The following PLPPR5 variants were observed in gnomAD, a reference collection of about 807,000 sequenced individuals.
PLPPR5 encodes phospholipid phosphatase-related protein type 5.
A neutral mutation model predicts 33.9 loss-of-function variants in PLPPR5; 16 were observed. The ratio of observed to expected loss-of-function variants is 0.47; its 90% CI spans 0.32 to 0.72. PLPPR5 has a LOEUF of 0.72. Ranked by LOEUF, PLPPR5 falls within the 30% of genes least tolerant of loss-of-function variation. The probability of loss-of-function intolerance (pLI) is 0.03; values close to 1 mark genes in which losing one functional copy is unlikely to be tolerated. For synonymous variants in PLPPR5, 163 were observed against 150.3 expected, an observed-to-expected ratio of 1.08 and a Z score of -0.62; for missense variants, 301 against 406.7, an observed-to-expected ratio of 0.74 and a Z score of 2.23.
At position 98,890,805 on chromosome 1, in the gene PLPPR5, A is replaced by G. The variant is rs1648244756; in HGVS notation, c.*2267T>C. On this transcript the variant is annotated 3_prime_UTR_variant, in exon 6 of 6. Transcript: ENST00000263177. ...CAGCATCACTCACTGTACAATCTTGAGCCTATGATGTGTAAATAGTAGAGG... is the reference window on the plus strand; with the variant it reads ...CAGCATCACTCACTGTACAATCTTGGGCCTATGATGTGTAAATAGTAGAGG... 6.6e-6 allele frequency: 1 copy of G among 152,516 alleles called. No individual in the cohort carries two copies. Among genetic ancestry groups the G allele is most frequent in the Admixed American group, 6.6e-5 (1 of 15,246 alleles). The allele number at this position is 152,516 out of a possible 1,614,324, so 9.4% of individuals were successfully genotyped here.
chr1:98,961,019 C>T (rs914770731), intron 1 of PLPPR5, among the ~76,000 whole-genome samples: 4 of 152,134 alleles, frequency 2.6e-5, no homozygotes, highest in South Asian at 4.1e-4. Flanking sequence ...GCCATGTTTC[C>T]TATACAATCC....
At chr1:98,895,434 T>G in intron 5 of PLPPR5, among the ~76,000 whole-genome samples, 1 of 151,976 alleles carries the variant, frequency 6.6e-6, no homozygotes, top group East Asian at 1.9e-4. Flanking sequence ...CAAAACAGAC[T>G]AAGAAACCTT....
chr1:98,974,388 CT>C (rs1398668670), intron 1 of PLPPR5, among the ~76,000 whole-genome samples: 1 of 152,024 alleles, frequency 6.6e-6, no homozygotes, highest in African/African-American at 2.4e-5. Flanking sequence ...TTTCAGAAAA[CT>C]TTGTTAGTTA....
intron 1 of PLPPR5, among the ~76,000 whole-genome samples, chr1:98,979,545 T>C (rs1651983507): frequency 6.6e-6 from 1 of 152,108 alleles, no homozygotes; most frequent in Non-Finnish European, 1.5e-5. Context: ...TATTAGCAAA[T>C]GTAAGGTCAG....
chr1:98,909,225 C>A, intron 5 of PLPPR5, among the ~76,000 whole-genome samples: 1 of 125,326 alleles, frequency 8.0e-6, no homozygotes, highest in Non-Finnish European at 1.7e-5. Context: ...CCTCCCCTCC[C>A]TTCCCTTCCC....
chr1:99,003,340 T>G (rs950319121), intron 1 of PLPPR5, among the ~76,000 whole-genome samples: 4 of 151,742 alleles, frequency 2.6e-5, no homozygotes, highest in African/African-American at 9.7e-5. Flanking sequence ...CAACAGACAT[T>G]CTTAACATTC....
At chr1:98,972,383 T>C (rs555161786) in intron 1 of PLPPR5, among the ~76,000 whole-genome samples, 1 of 152,214 alleles carries the variant, frequency 6.6e-6, no homozygotes, top group African/African-American at 2.4e-5. Context: ...CCAGCAGTTT[T>C]AGATGGCTAT....
chr1:98,963,762 C>A (rs558875617), intron 1 of PLPPR5, among the ~76,000 whole-genome samples: 1 of 152,140 alleles, frequency 6.6e-6, no homozygotes, highest in African/African-American at 2.4e-5. Context: ...AGATAGGGCA[C>A]AAAGCACCTC....
At chr1:98,941,544 G>A (rs1650368659) in intron 3 of PLPPR5, among the ~76,000 whole-genome samples, 1 of 86,088 alleles carries the variant, frequency 1.2e-5, no homozygotes, top group Non-Finnish European at 2.3e-5. Flanking sequence ...ATTTATTTGT[G>A]TGGTTGTGGG....
chr1:98,955,020 T>C (rs1650949658), intron 2 of PLPPR5, among the ~76,000 whole-genome samples: 1 of 152,106 alleles, frequency 6.6e-6, no homozygotes, highest in South Asian at 2.1e-4. Flanking sequence ...TGTAGTTGAC[T>C]ACAAAGAAAA....
chr1:98,950,974 T>C (rs988339707), intron 3 of PLPPR5, among the ~76,000 whole-genome samples: 3 of 152,122 alleles, frequency 2.0e-5, no homozygotes, highest in Non-Finnish European at 2.9e-5. Flanking sequence ...AAGGTTCTAG[T>C]ATTACAGGCA....
At chr1:98,999,392 G>C (rs1652745870) in intron 1 of PLPPR5, among the ~76,000 whole-genome samples, 1 of 152,178 alleles carries the variant, frequency 6.6e-6, no homozygotes, top group Non-Finnish European at 1.5e-5. Flanking sequence ...AATTCTCACA[G>C]CTGGAAAGTA....
intron 5 of PLPPR5, among the ~76,000 whole-genome samples, chr1:98,914,157 C>T (rs1412284988): frequency 6.6e-6 from 1 of 152,190 alleles, no homozygotes; most frequent in Non-Finnish European, 1.5e-5. Context: ...CATATATCCT[C>T]AAGTAAAACT....
chr1:98,900,268 C>T (rs1648648461), intron 5 of PLPPR5, among the ~76,000 whole-genome samples: 1 of 152,088 alleles, frequency 6.6e-6, no homozygotes, highest in Non-Finnish European at 1.5e-5. Context: ...ATCTTGCCTG[C>T]TAAACAAAAC....
intron 1 of PLPPR5, among the ~76,000 whole-genome samples, chr1:98,997,269 A>G (rs1299942780): frequency 6.6e-6 from 1 of 152,152 alleles, no homozygotes; most frequent in Non-Finnish European, 1.5e-5. Flanking sequence ...TGGATATGTA[A>G]TTTTAAGTAT....
At chr1:98,960,415 G>GA (rs1651195317) in intron 1 of PLPPR5, among the ~76,000 whole-genome samples, 2 of 152,076 alleles carry the variant, frequency 1.3e-5, no homozygotes, top group African/African-American at 4.8e-5. Context: ...TGTTGGCCAG[G>GA]CTGGTCTCGA....
At chr1:98,978,959 C>G (rs1197934663) in intron 1 of PLPPR5, among the ~76,000 whole-genome samples, 2 of 151,966 alleles carry the variant, frequency 1.3e-5, no homozygotes, top group Admixed American at 6.6e-5. Context: ...TGAAAACATC[C>G]TGTCATTGAG....
At chr1:98,918,197 G>C (rs1649426796) in intron 4 of PLPPR5, among the ~76,000 whole-genome samples, 2 of 152,124 alleles carry the variant, frequency 1.3e-5, no homozygotes, top group African/African-American at 4.8e-5. Flanking sequence ...GGGTCAAACT[G>C]GTCTGGATCA....
At chr1:98,984,931 G>T (rs1652199265) in intron 1 of PLPPR5, among the ~76,000 whole-genome samples, 1 of 151,762 alleles carries the variant, frequency 6.6e-6, no homozygotes, top group African/African-American at 2.4e-5. Context: ...AACTAAATTT[G>T]TCTCCAAAAT....
Sources: gnomAD v4.1 joint callset for allele counts (sites outside exome capture counted in the v4.1 genomes callset) on GRCh38, gnomAD v4.1.1 for gene constraint, MANE v1.5 for transcripts, NCBI Gene and HGNC (gene_info 2026-07-23, HGNC 2026-07-21) for gene names.